Variants in STAMBP observed in about 807,000 individuals in gnomAD.
STAMBP encodes the protein STAM binding protein.
STAMBP carries 31 observed loss-of-function variants against 50.7 expected under a neutral mutation model. The observed-to-expected ratio is 0.61, with a 90% CI of 0.46 to 0.83. The LOEUF (loss-of-function observed/expected upper bound fraction) is 0.83, where lower values mean the gene tolerates loss of function less well. STAMBP is among the 40% of genes least tolerant of loss of function. The pLI is 0.00. For missense variants in STAMBP, 472 were observed against 518.9 expected, an observed-to-expected ratio of 0.91 and a Z score of 0.88; for synonymous variants, 211 against 192.4, an observed-to-expected ratio of 1.10 and a Z score of -0.80.
intron 2 of STAMBP, among the ~76,000 whole-genome samples, chr2:73,838,738 A>G (rs1308854835): frequency 6.6e-6 from 1 of 152,234 alleles, no homozygotes; most frequent in Admixed American, 6.5e-5. Flanking sequence ...ATGATGAACT[A>G]CTAGGAGAGT....
chr2:73,857,517 T>C (rs1408684752), intron 7 of STAMBP, among the ~76,000 whole-genome samples: 3 of 152,180 alleles, frequency 2.0e-5, no homozygotes, highest in African/African-American at 4.8e-5. Flanking sequence ...CAGTTTACTT[T>C]TGTCCAGTAC....
At chr2:73,854,688 C>T (rs1307578155) in intron 7 of STAMBP, among the ~76,000 whole-genome samples, 4 of 152,046 alleles carry the variant, frequency 2.6e-5, no homozygotes, top group Non-Finnish European at 2.9e-5. Flanking sequence ...CTTCCTAATT[C>T]GGGATTAAAA....
At position 73,859,294 on chromosome 2, in the gene STAMBP, T is replaced by C; in HGVS notation, c.1046T>C (p.Leu349Pro). The change falls in exon 8 of 10, where the codon CTA becomes CCA. Residue 349 changes from leucine to proline, a missense_variant. Transcript: ENST00000394070. ...TQTAFLSSVD[L>P]HTHCSYQMML... Reference sequence around the variant, plus strand: ...ACCGCGTTTCTCTCCAGTGTCGACCTACACACTCACTGCTCTTACCAGATG... The same window carrying C: ...ACCGCGTTTCTCTCCAGTGTCGACCCACACACTCACTGCTCTTACCAGATG... 1 of 1,614,164 alleles carries C rather than the reference T, an allele frequency of 6.2e-7. No individual in the cohort carries two copies. Among genetic ancestry groups the C allele is most frequent in the Non-Finnish European group, 8.5e-7 (1 of 1,180,000 alleles).
intron 2 of STAMBP, among the ~76,000 whole-genome samples, chr2:73,836,750 G>C (rs1407525340): frequency 1.3e-5 from 2 of 152,226 alleles, no homozygotes; most frequent in African/African-American, 4.8e-5. Context: ...AGTAAGCCCA[G>C]CTCTTAGGCC....
Position 73,864,676 on chromosome 2 carries a change from C to T in STAMBP, c.*2417C>T, listed in dbSNP as rs549677358. On this transcript the variant is annotated 3_prime_UTR_variant, in exon 10 of 10. Transcript: ENST00000394070. ...GGCTAAAGGGACTGACTCCTGGGTT[C>T]CCGAGGCTCAAAGACCAGGAGACTT... 3 of 152,404 alleles carry T rather than the reference C, an allele frequency of 2.0e-5. No individual in the cohort carries two copies. In the East Asian group the frequency reaches 5.8e-4, roughly 29 times the overall value. The allele number at this position is 152,404 out of a possible 1,614,324, so 9.4% of individuals were successfully genotyped here.
intron 8 of STAMBP, 68 bp from the exon 9 acceptor site, chr2:73,859,984 T>C (rs1678130218): frequency 9.4e-7 from 1 of 1,068,280 alleles, no homozygotes. Flanking sequence ...GGTGTGTGTG[T>C]GCGTGCATAT....
At chr2:73,872,267 AAAG>A (rs1679232059) in intron 10 of STAMBP, among the ~76,000 whole-genome samples, 1 of 152,270 alleles carries the variant, frequency 6.6e-6, no homozygotes, top group South Asian at 2.1e-4. Context: ...ATTCATTTCC[AAAG>A]AAGAATGGTG....
chr2:73,839,549 T>C (rs1188793195), intron 2 of STAMBP, among the ~76,000 whole-genome samples: 1 of 152,242 alleles, frequency 6.6e-6, no homozygotes, highest in Non-Finnish European at 1.5e-5. Flanking sequence ...GAGTAACTTT[T>C]AAGACTGGAA....
chr2:73,851,988 G>A (rs1294307461), intron 7 of STAMBP, among the ~76,000 whole-genome samples: 1 of 152,128 alleles, frequency 6.6e-6, no homozygotes, highest in Non-Finnish European at 1.5e-5. Flanking sequence ...GAGGGTCTGG[G>A]GTGGACAGGC....
rs1573402611 is a variant in STAMBP, at chr2:73,860,252, G to A, written c.1218+101G>A. ...CCTTTCTGATCCACACAGAAGACCA[G>A]CTTTGTCACTTACCTTGCCAGATCT... On this transcript the variant is annotated intron_variant, in intron 9 of 9. Coordinates refer to ENST00000394070, the MANE Select transcript of STAMBP (RefSeq NM_213622.4). 1.0e-5 allele frequency: 10 copies of A among 959,006 alleles called. No individual in the cohort carries two copies. In the East Asian group the frequency reaches 2.6e-4, roughly 25 times the overall value. The allele number at this position is 959,006 out of a possible 1,614,324, so 59.4% of individuals were successfully genotyped here. A position where few individuals can be genotyped will look rare whatever the true frequency, so the allele number is the denominator to read the frequency against.
intron 8 of STAMBP, among the ~76,000 whole-genome samples, chr2:73,859,777 A>G (rs575449460): frequency 3.3e-5 from 5 of 152,180 alleles, no homozygotes. Flanking sequence ...CTCAGAATGC[A>G]CTTCTTTTTC....
At chr2:73,855,023 A>G (rs1482207356) in intron 7 of STAMBP, among the ~76,000 whole-genome samples, 1 of 152,180 alleles carries the variant, frequency 6.6e-6, no homozygotes, top group Non-Finnish European at 1.5e-5. Context: ...GCAGACCGAA[A>G]GATTTATTCA....
downstream of STAMBP, among the ~76,000 whole-genome samples, chr2:73,869,454 T>G (rs1558608975): frequency 6.6e-6 from 1 of 152,238 alleles, no homozygotes; most frequent in Non-Finnish European, 1.5e-5. Flanking sequence ...ATGCTACGTC[T>G]TCTTTAATCC....
At chr2:73,843,406 G>GTATGTA (rs1553380270) in intron 2 of STAMBP, among the ~76,000 whole-genome samples, 1 of 129,962 alleles carries the variant, frequency 7.7e-6, no homozygotes, top group African/African-American at 3.3e-5. Context: ...GTTTGTGTAT[G>GTATGTA]TATATATATA....
In STAMBP at chr2:73,834,275, ATATATATATAT is replaced by A. The variant is rs1318189829; in HGVS notation, c.203+3217_203+3227del. ...TATATATATATATATATATATATAT[ATATATATATAT>A]AAAGTTTTTGACTCCCCAGAAACTT... On this transcript the variant is annotated intron_variant, in intron 2 of 9. Transcript: ENST00000394070. 8.7e-4 allele frequency among the ~76,000 whole-genome samples: 90 copies of A among 103,056 alleles called. 1 individual carries two copies. The highest frequency in any genetic ancestry group is 2.7e-3 in the African/African-American group (66 of 24,164). The allele number at this position is 103,056 out of a possible 152,430, so 67.6% of individuals were successfully genotyped here.
intron 2 of STAMBP, among the ~76,000 whole-genome samples, chr2:73,834,742 G>A (rs567672960): frequency 2.0e-5 from 3 of 152,340 alleles, no homozygotes; most frequent in South Asian, 4.1e-4. Context: ...GTCTGTCTGA[G>A]AAGACAAGAT....
intron 7 of STAMBP, chr2:73,855,588 T>C: frequency 4.4e-6 from 2 of 456,126 alleles, no homozygotes; most frequent in Non-Finnish European, 8.8e-6. Flanking sequence ...AGGCCACTGC[T>C]CTTTAGCAGC....
intron 7 of STAMBP, among the ~76,000 whole-genome samples, chr2:73,852,536 T>C (rs139540862): frequency 6.6e-6 from 1 of 152,278 alleles, no homozygotes; most frequent in Non-Finnish European, 1.5e-5. Context: ...GAGAAGAGTC[T>C]AGAGCAAGAA....
intron 7 of STAMBP, among the ~76,000 whole-genome samples, chr2:73,854,304 C>T (rs148076094): frequency 5.3e-4 from 81 of 151,914 alleles, no homozygotes; most frequent in African/African-American, 1.9e-3. Context: ...AAGAGGGAGA[C>T]CAAGGAGGAA....
Sources: allele counts gnomAD v4.1 joint callset (sites outside exome capture counted in the v4.1 genomes callset), GRCh38; gene constraint gnomAD v4.1.1; transcripts MANE v1.5; gene names NCBI Gene and HGNC (gene_info 2026-07-23, HGNC 2026-07-21).